Variants in CXorf38 observed in about 807,000 individuals in gnomAD.
CXorf38 encodes chromosome X open reading frame 38, also known as uncharacterized protein CXorf38.
A neutral mutation model predicts 27.5 loss-of-function variants in CXorf38; 13 were observed. The ratio of observed to expected loss-of-function variants is 0.47; its 90% CI spans 0.31 to 0.75. The LOEUF (loss-of-function observed/expected upper bound fraction) is 0.75. Among genes scored for constraint, CXorf38 ranks in the 30% least tolerant of loss-of-function variants. CXorf38 has a pLI of 0.05. For missense variants in CXorf38, 240 were observed against 253.2 expected, an observed-to-expected ratio of 0.95 and a Z score of 0.35; for synonymous variants, 100 against 99.8, an observed-to-expected ratio of 1.00 and a Z score of -0.01.
chrX:40,637,802 C>T (rs926415906), intron 3 of CXorf38, among the ~76,000 whole-genome samples: 17 of 112,116 alleles, frequency 1.5e-4, no homozygotes, highest in Non-Finnish European at 3.0e-4. Context: ...CCTTGAGTCT[C>T]TGGAGCAGAT....
At chrX:40,636,823 G>T in intron 4 of CXorf38, 111 bp from the exon 5 acceptor site, 1 of 809,498 alleles carries the variant, frequency 1.2e-6, no homozygotes, top group Non-Finnish European at 1.7e-6. Context: ...TATTAATAGT[G>T]CACTGTGACC....
At position 40,630,621 on chromosome X, in the gene CXorf38, C is replaced by A; in HGVS notation, c.954G>T (p.Lys318Asn). The A allele has an allele frequency of 8.3e-7, 1 of 1,208,790 alleles. No individual in the cohort carries two copies. The highest frequency in any genetic ancestry group is 1.8e-5 in the South Asian group (1 of 56,326). The change falls in exon 6 of 7, where the codon AAG (lysine) becomes AAT (asparagine). Residue 318 changes from lysine (K) to asparagine (N), a missense_variant. Transcript: ENST00000327877. ...QEPGRQTPDR[K>N]A ...TCATCTGCCTGAACTCACCTCAGGCCTTCCTGTCAGGTGTTTGTCTCCCAG... is the reference window on the plus strand; with the variant it reads ...TCATCTGCCTGAACTCACCTCAGGCATTCCTGTCAGGTGTTTGTCTCCCAG...
At position 40,645,262 on chromosome X, in the gene CXorf38, C is replaced by T. The variant is rs184251879; in HGVS notation, c.351+1745G>A. On this transcript the variant is annotated intron_variant, in intron 2 of 6. Transcript: ENST00000327877. ...AGGTCCAGGGTGTGGGCATGCAAGC[C>T]GGAGGCTGAGGGGGAGTGAAGCAGA... Among the ~76,000 whole-genome samples the T allele has an allele frequency of 2.7e-5, 3 of 110,971 alleles. No individual in the cohort carries two copies. In the Admixed American group the frequency reaches 2.9e-4, roughly 11 times the overall value.
At position 40,630,744 on chromosome X, in the gene CXorf38, T is replaced by C. The variant is rs1927737375; in HGVS notation, c.831A>G (p.Glu277=). The change falls in exon 6 of 7, where the codon GAA becomes GAG. Residue 277 remains glutamate, a synonymous_variant. Transcript: ENST00000327877. ...ELSNRLEVVK[E]FLRNNEDLRN... ...TAAGATCCTCATTGTTTCTCAGAAA[T>C]TCCTTCACCACTTCCAGTCGATTTG... The C allele has an allele frequency of 6.6e-6, 8 of 1,209,065 alleles. No homozygotes were observed. Among genetic ancestry groups the C allele is most frequent in the Non-Finnish European group, 8.9e-6 (8 of 894,717 alleles).
At chrX:40,631,222 T>C (rs62586850) in intron 5 of CXorf38, among the ~76,000 whole-genome samples, 10 of 36,086 alleles carry the variant, frequency 2.8e-4, no homozygotes, top group Admixed American at 4.8e-4. Flanking sequence ...TATATATACA[T>C]GTGTATATAT....
intron 2 of CXorf38, among the ~76,000 whole-genome samples, chrX:40,641,075 G>A (rs1171041853): frequency 1.8e-5 from 2 of 110,542 alleles, no homozygotes; most frequent in Non-Finnish European, 3.8e-5. Flanking sequence ...AAATTAGTCA[G>A]GCATAGTCGC....
rs1337753937 is a variant in CXorf38, at chrX:40,630,724, TC to T, written c.850del (p.Asp284IlefsTer13). 8.3e-7 allele frequency: 1 copy of T among 1,208,615 alleles called. No individual in the cohort carries two copies. Among genetic ancestry groups the T allele is most frequent in the Non-Finnish European group, 1.1e-6 (1 of 894,148 alleles). Reference sequence around the variant, plus strand: ...ATCTTCTGTAAGGCCATTTCTAAGATCCTCATTGTTTCTCAGAAATTCCTTC... The same window carrying T: ...ATCTTCTGTAAGGCCATTTCTAAGATCTCATTGTTTCTCAGAAATTCCTTC... ...VVKEFLRNNE[D>X]LRNGLTEDMQ... is the part of the protein sequence containing the mutation. On this transcript the variant is annotated frameshift_variant, in exon 6 of 7. Transcript: ENST00000327877. LOFTEE classifies it high-confidence loss of function.
At chrX:40,637,248 T>C in intron 3 of CXorf38, 92 bp from the exon 4 acceptor site, 1 of 636,025 alleles carries the variant, frequency 1.6e-6, no homozygotes. Flanking sequence ...TAGAGAGGCT[T>C]TGTTAATTAT....
chrX:40,637,109 T>C lies in CXorf38; in HGVS notation c.519A>G (p.Val173=), dbSNP rs773702571. 7 of 1,204,552 alleles carry C rather than the reference T, an allele frequency of 5.8e-6. No individual in the cohort carries two copies. Among genetic ancestry groups the C allele is most frequent in the Admixed American group, 4.4e-5 (2 of 45,646 alleles). ...GAAAATCTCGAAGCCACGTAGAAGA[T>C]ACTTTCATCTCTGAAGAGTGCATGA... ...NEIMHSSEMK[V]SSTWLRDFQM... Residue 173 remains valine (V), a synonymous_variant, in exon 4 of 7, where the codon GTA becomes GTG. Coordinates refer to ENST00000327877, the MANE Select transcript of CXorf38 (RefSeq NM_144970.3).
At chrX:40,633,091 T>C (rs1228886138) in intron 5 of CXorf38, among the ~76,000 whole-genome samples, 1 of 110,838 alleles carries the variant, frequency 9.0e-6, no homozygotes, top group African/African-American at 3.3e-5. Flanking sequence ...ACCTCTACAC[T>C]TCTACCTTCA....
In CXorf38 at chrX:40,643,124, C is replaced by T. The variant is rs182589903; in HGVS notation, c.351+3883G>A. ...TTTTGTGGAGACAGTTATGGGGTTT[C>T]GCCATGTTGCCCAGGCTGGTCTCGA... On this transcript the variant is annotated intron_variant, in intron 2 of 6. Coordinates refer to ENST00000327877, the MANE Select transcript of CXorf38 (RefSeq NM_144970.3). 9.2e-3 allele frequency among the ~76,000 whole-genome samples: 1,007 copies of T among 109,734 alleles called. 6 individuals are homozygous for T. Among genetic ancestry groups the T allele is most frequent in the Non-Finnish European group, 0.015 (773 of 52,585 alleles).
At chrX:40,639,611 G>A (rs1928228129) in intron 2 of CXorf38, 1 of 115,267 alleles carries the variant, frequency 8.7e-6, no homozygotes. Flanking sequence ...CTGTGACCTT[G>A]GTCAAGTTAC....
chrX:40,631,879 C>T (rs772580841), intron 5 of CXorf38, among the ~76,000 whole-genome samples: 16 of 110,827 alleles, frequency 1.4e-4, no homozygotes, highest in African/African-American at 4.9e-4. Context: ...GCACGGGGAG[C>T]GGGGAGGGAC....
intron 2 of CXorf38, among the ~76,000 whole-genome samples, chrX:40,645,551 A>G (rs2146589894): frequency 9.0e-6 from 1 of 110,935 alleles, no homozygotes; most frequent in South Asian, 3.8e-4. Flanking sequence ...GTGGAAAAAA[A>G]TGGGGAAGAT....
chrX:40,633,192 C>G (rs1927906698), intron 5 of CXorf38, among the ~76,000 whole-genome samples: 2 of 110,741 alleles, frequency 1.8e-5, no homozygotes, highest in Non-Finnish European at 1.9e-5. Context: ...TCCAGTACCC[C>G]GTAGTACCCT....
intron 6 of CXorf38, 40 bp from the exon 7 acceptor site, chrX:40,630,202 G>A (rs1161272691): frequency 8.7e-6 from 1 of 115,380 alleles, no homozygotes; most frequent in Non-Finnish European, 1.8e-5. Flanking sequence ...TTTTTTATTT[G>A]AGGGGGGAAA....
At chrX:40,635,169 G>A (rs901067440) in intron 5 of CXorf38, among the ~76,000 whole-genome samples, 1 of 112,712 alleles carries the variant, frequency 8.9e-6, no homozygotes, top group Non-Finnish European at 1.9e-5. Flanking sequence ...AAGAAAACTG[G>A]GGCTCTAATG....
chrX:40,642,982 G>C (rs944947177), intron 2 of CXorf38, among the ~76,000 whole-genome samples: 1 of 110,304 alleles, frequency 9.1e-6, no homozygotes, highest in African/African-American at 3.3e-5. Flanking sequence ...CACCATGCTG[G>C]CCAGGCTGGT....
intron 3 of CXorf38, among the ~76,000 whole-genome samples, chrX:40,637,906 A>G (rs945073299): frequency 2.7e-5 from 3 of 111,619 alleles, no homozygotes; most frequent in Non-Finnish European, 5.6e-5. Flanking sequence ...CCACATGAAT[A>G]ATACATTAGT....
Sources: gnomAD v4.1 joint callset for allele counts (sites outside exome capture counted in the v4.1 genomes callset) on GRCh38, gnomAD v4.1.1 for gene constraint, MANE v1.5 for transcripts, NCBI Gene and HGNC (gene_info 2026-07-23, HGNC 2026-07-21) for gene names.